The following RBFOX1 variants were observed in gnomAD, a reference collection of about 807,000 sequenced individuals.
RBFOX1 encodes RNA binding protein fox-1 homolog 1.
Under a neutral mutation model 57.7 loss-of-function variants are expected in RBFOX1, and 8 were observed. The ratio of observed to expected loss-of-function variants is 0.14; its 90% CI spans 0.08 to 0.25. RBFOX1 has a LOEUF of 0.25. RBFOX1 is among the 10% of genes least tolerant of loss of function. The pLI, the probability that RBFOX1 is intolerant of heterozygous loss-of-function variation, is 1.00. For missense variants in RBFOX1, 611 were observed against 548.5 expected, an observed-to-expected ratio of 1.11 and a Z score of -1.14; for synonymous variants, 326 against 222.4, an observed-to-expected ratio of 1.47 and a Z score of -4.15.
chr16:6,321,161 G>T (rs2081741590), intron 2 of RBFOX1, among the ~76,000 whole-genome samples: 2 of 152,164 alleles, frequency 1.3e-5, no homozygotes, highest in African/African-American at 4.8e-5. Flanking sequence ...GGTACATAGT[G>T]ATGTTTCTAT....
chr16:5,979,165 C>G (rs1254847507), intron 4 of RBFOX1, among the ~76,000 whole-genome samples: 1 of 152,172 alleles, frequency 6.6e-6, no homozygotes, highest in Non-Finnish European at 1.5e-5. Context: ...CCTTACCTGT[C>G]TGAGGTGAGC....
chr16:6,252,684 G>C (rs942225047), intron 1 of RBFOX1, among the ~76,000 whole-genome samples: 19 of 152,170 alleles, frequency 1.2e-4, no homozygotes, highest in Non-Finnish European at 2.1e-4. Context: ...AAGCCAGTAG[G>C]ACAACAGTGG....
intron 3 of RBFOX1, among the ~76,000 whole-genome samples, chr16:6,797,011 A>T (rs1436739049): frequency 2.0e-5 from 3 of 152,170 alleles, no homozygotes; most frequent in African/African-American, 7.2e-5. Flanking sequence ...GGCAGTCTAA[A>T]TGTCAAGATT....
At chr16:7,133,360 A>G (rs562257222) in intron 4 of RBFOX1, among the ~76,000 whole-genome samples, 2 of 152,226 alleles carry the variant, frequency 1.3e-5, no homozygotes, top group Non-Finnish European at 2.9e-5. Context: ...AAATTAGAAC[A>G]TTCCGATGTG....
At chr16:6,652,741 G>A (rs1381863323) in intron 2 of RBFOX1, among the ~76,000 whole-genome samples, 1 of 152,090 alleles carries the variant, frequency 6.6e-6, no homozygotes, top group Non-Finnish European at 1.5e-5. Context: ...AAAGCAGAAG[G>A]TGGTTTTCAG....
intron 3 of RBFOX1, among the ~76,000 whole-genome samples, chr16:6,901,727 T>C (rs1322410274): frequency 6.6e-6 from 1 of 152,208 alleles, no homozygotes; most frequent in South Asian, 2.1e-4. Flanking sequence ...CATTTGCTTA[T>C]TTGAAGTAAA....
At chr16:7,498,237 C>T (rs1044914434) in intron 4 of RBFOX1, among the ~76,000 whole-genome samples, 8 of 152,058 alleles carry the variant, frequency 5.3e-5, no homozygotes, top group East Asian at 3.9e-4. Context: ...AAAATGTTCA[C>T]GTTTGGTGCC....
intron 4 of RBFOX1, among the ~76,000 whole-genome samples, chr16:7,511,401 T>C (rs958704203): frequency 3.3e-5 from 5 of 152,176 alleles, no homozygotes; most frequent in African/African-American, 1.2e-4. Flanking sequence ...TTATTTTCTC[T>C]CTGACTCTGT....
intron 2 of RBFOX1, among the ~76,000 whole-genome samples, chr16:6,451,597 C>G (rs578072907): frequency 6.6e-6 from 1 of 152,276 alleles, no homozygotes; most frequent in South Asian, 2.1e-4. Flanking sequence ...AAATAATTCA[C>G]CACTCTCTAA....
At chr16:6,584,173 A>G (rs2097574154) in intron 2 of RBFOX1, among the ~76,000 whole-genome samples, 1 of 151,746 alleles carries the variant, frequency 6.6e-6, no homozygotes, top group Non-Finnish European at 1.5e-5. Flanking sequence ...CCCTGCTGTA[A>G]TTACATCTAT....
intron 5 of RBFOX1, among the ~76,000 whole-genome samples, chr16:7,551,557 G>A (rs896284356): frequency 2.0e-5 from 3 of 152,188 alleles, no homozygotes; most frequent in African/African-American, 7.2e-5. Flanking sequence ...TGGTCAATAA[G>A]TGAGCAAATA....
chr16:7,621,323 C>T (rs964636668), intron 10 of RBFOX1, among the ~76,000 whole-genome samples: 1 of 151,862 alleles, frequency 6.6e-6, no homozygotes, highest in East Asian at 1.9e-4. Flanking sequence ...TGCAGTGGTG[C>T]AAGCTCAGTT....
At chr16:5,834,835 C>T (rs896911595) in intron 3 of RBFOX1, among the ~76,000 whole-genome samples, 1 of 151,724 alleles carries the variant, frequency 6.6e-6, no homozygotes, top group East Asian at 1.9e-4. Flanking sequence ...GACAGACAGA[C>T]AGATTTCTTT....
chr16:5,477,895 GA>G (rs1243430596), intron 2 of RBFOX1, among the ~76,000 whole-genome samples: 1 of 152,206 alleles, frequency 6.6e-6, no homozygotes, highest in African/African-American at 2.4e-5. Flanking sequence ...AGCTGAGACA[GA>G]AAGGGCGTGA....
At chr16:6,721,256 A>G (rs1331209429) in intron 3 of RBFOX1, among the ~76,000 whole-genome samples, 1 of 152,154 alleles carries the variant, frequency 6.6e-6, no homozygotes, top group Non-Finnish European at 1.5e-5. Context: ...CAGTCTGGCC[A>G]ACATGGTAAA....
intron 3 of RBFOX1, among the ~76,000 whole-genome samples, chr16:7,032,511 C>T (rs1427125018): frequency 6.6e-6 from 1 of 151,932 alleles, no homozygotes; most frequent in South Asian, 2.1e-4. Context: ...AAAAATAAAA[C>T]CTATGGTCAT....
chr16:5,596,878 T>TGTTTAA (rs77923467), intron 2 of RBFOX1, among the ~76,000 whole-genome samples: 32,209 of 151,954 alleles, frequency 0.21, 3,495 homozygotes, highest in African/African-American at 0.23. Context: ...ACATCATTTG[T>TGTTTAA]GTTTATTTGT....
intron 5 of RBFOX1, among the ~76,000 whole-genome samples, chr16:7,547,066 A>G (rs2084762890): frequency 6.6e-6 from 1 of 152,128 alleles, no homozygotes; most frequent in Non-Finnish European, 1.5e-5. Flanking sequence ...TCACACCAGT[A>G]TCAAGCATTA....
At chr16:6,980,183 A>G (rs1332645365) in intron 3 of RBFOX1, among the ~76,000 whole-genome samples, 19 of 152,176 alleles carry the variant, frequency 1.2e-4, no homozygotes, top group Admixed American at 1.2e-3. Context: ...GATTTCTATT[A>G]TTTGCATCCA....
Sources: allele counts gnomAD v4.1 joint callset (sites outside exome capture counted in the v4.1 genomes callset), GRCh38; gene constraint gnomAD v4.1.1; transcripts MANE v1.5; gene names NCBI Gene and HGNC (gene_info 2026-07-23, HGNC 2026-07-21).